Variants in SV2C observed in about 807,000 individuals in gnomAD.
The protein encoded by SV2C is synaptic vesicle glycoprotein 2C.
A neutral mutation model predicts 79.7 loss-of-function variants in SV2C; 49 were observed. The observed-to-expected ratio is 0.61, with a 90% CI of 0.49 to 0.78. The LOEUF (loss-of-function observed/expected upper bound fraction) is 0.78, where lower values mean the gene tolerates loss of function less well. SV2C is among the 30% of genes least tolerant of loss of function. SV2C has a pLI of 0.00. For missense variants in SV2C, 833 were observed against 912.9 expected (o/e 0.91, Z 1.13); for synonymous variants, 334 against 333.2 (o/e 1.00, Z -0.03).
intron 4 of SV2C, among the ~76,000 whole-genome samples, chr5:76,272,106 G>A (rs988896619): frequency 2.0e-5 from 3 of 152,134 alleles, no homozygotes; most frequent in African/African-American, 4.8e-5. Context: ...GCAAGAAATG[G>A]GGCTAGGAAA....
At chr5:75,920,973 G>A in the SV2C span, 1 of 712,120 alleles carries the variant, frequency 1.4e-6, no homozygotes, top group Admixed American at 2.0e-5. Context: ...AGGAGGTGAT[G>A]CTCCAGTGCT....
At chr5:76,027,002 G>C in the SV2C span, among the ~76,000 whole-genome samples, 1 of 150,886 alleles carries the variant, frequency 6.6e-6, no homozygotes, top group Non-Finnish European at 1.5e-5. Context: ...TTTTAGCTTG[G>C]ATTAAGTCAA....
chr5:76,299,056 C>G (rs1747885446), intron 10 of SV2C, 129 bp downstream of exon 10: 1 of 1,144,248 alleles, frequency 8.7e-7, no homozygotes, highest in East Asian at 2.6e-5. Flanking sequence ...AACAAGTTCT[C>G]TAAATCAGGT....
intron 1 of SV2C, among the ~76,000 whole-genome samples, chr5:76,105,418 C>T (rs572748040): frequency 6.9e-4 from 105 of 152,270 alleles, no homozygotes; most frequent in Non-Finnish European, 1.2e-3. Context: ...CCCCAGATAG[C>T]TAGCACCCTT....
chr5:76,183,325 G>A (rs1426083193), intron 2 of SV2C, among the ~76,000 whole-genome samples: 4 of 151,754 alleles, frequency 2.6e-5, no homozygotes, highest in South Asian at 4.2e-4. Flanking sequence ...ATGCCCAGCT[G>A]AGAACCTACC....
the SV2C span, among the ~76,000 whole-genome samples, chr5:76,039,340 A>G: frequency 1.4e-3 from 212 of 152,330 alleles, no homozygotes; most frequent in Middle Eastern, 3.4e-3. Flanking sequence ...CAAGTAGGAA[A>G]ACTAGGGATC....
chr5:75,899,872 G>A, the SV2C span, among the ~76,000 whole-genome samples: 525 of 152,006 alleles, frequency 3.5e-3, 1 homozygote, highest in African/African-American at 0.012. Flanking sequence ...TGTTTTATCC[G>A]AGACTAGGAT....
At chr5:76,052,192 T>G in the SV2C span, among the ~76,000 whole-genome samples, 2 of 152,294 alleles carry the variant, frequency 1.3e-5, no homozygotes, top group Non-Finnish European at 2.9e-5. Flanking sequence ...TCCAATCAAT[T>G]CTGAGAAATT....
the SV2C span, among the ~76,000 whole-genome samples, chr5:76,033,524 T>C: frequency 6.6e-6 from 1 of 152,240 alleles, no homozygotes; most frequent in Non-Finnish European, 1.5e-5. Context: ...CCATTGCTTA[T>C]TTTTCTCAGG....
chr5:75,902,050 C>A, the SV2C span, among the ~76,000 whole-genome samples: 686 of 152,314 alleles, frequency 4.5e-3, 4 homozygotes, highest in African/African-American at 0.016. Flanking sequence ...CTGAGTGAGG[C>A]AATGCCTCAC....
rs142749324 is a variant in SV2C at position 76,188,927 on chromosome 5, C to A, written c.581-5992C>A. Among the ~76,000 whole-genome samples the A allele has an allele frequency of 2.0e-4, 30 of 151,816 alleles. No individual in the cohort carries two copies. The East Asian group carries it at 5.9e-3, about 30-fold the overall frequency. On this transcript the variant is annotated intron_variant, in intron 2 of 12. Coordinates refer to ENST00000502798, the MANE Select transcript of SV2C (RefSeq NM_014979.4). ...GGTTCCAGGAGCAGGGACAACAGGG[C>A]AGCAGCTGTGAAAGCTTACACCTCA...
the SV2C span, among the ~76,000 whole-genome samples, chr5:76,027,207 G>C: frequency 1.3e-5 from 2 of 151,044 alleles, no homozygotes; most frequent in African/African-American, 4.9e-5. Flanking sequence ...GATTACAGGC[G>C]CCCACCACCA....
intron 1 of SV2C, among the ~76,000 whole-genome samples, chr5:76,091,175 A>C: frequency 6.6e-6 from 1 of 152,228 alleles, no homozygotes; most frequent in African/African-American, 2.4e-5. Flanking sequence ...CATTGAACAC[A>C]AAACAATTTA....
At chr5:76,071,666 A>C in the SV2C span, among the ~76,000 whole-genome samples, 1 of 152,222 alleles carries the variant, frequency 6.6e-6, no homozygotes, top group Non-Finnish European at 1.5e-5. Context: ...CATGCTAAAA[A>C]TAGAAGTGAA....
intron 1 of SV2C, among the ~76,000 whole-genome samples, chr5:76,127,400 G>T (rs2112176056): frequency 6.6e-6 from 1 of 152,294 alleles, no homozygotes; most frequent in African/African-American, 2.4e-5. Context: ...TTACATATTT[G>T]TGCAAAATAT....
intron 1 of SV2C, among the ~76,000 whole-genome samples, chr5:76,089,284 C>T (rs1049922809): frequency 2.6e-5 from 4 of 152,094 alleles, no homozygotes; most frequent in East Asian, 1.9e-4. Context: ...CAGTATTTGG[C>T]GTTCTGTTCC....
At chr5:76,241,208 A>C in intron 4 of SV2C, among the ~76,000 whole-genome samples, 3 of 144,034 alleles carry the variant, frequency 2.1e-5, no homozygotes, top group Non-Finnish European at 3.0e-5. Context: ...TTCCCAAGCC[A>C]AACTGTATCC....
At chr5:76,174,540 C>T (rs1056028635) in intron 2 of SV2C, among the ~76,000 whole-genome samples, 8 of 152,214 alleles carry the variant, frequency 5.3e-5, no homozygotes, top group African/African-American at 1.9e-4. Flanking sequence ...ACTCCCACCT[C>T]GGGCCCTAAG....
chr5:76,287,799 A>G (rs552654554), intron 6 of SV2C, among the ~76,000 whole-genome samples: 20 of 152,306 alleles, frequency 1.3e-4, no homozygotes, highest in African/African-American at 4.6e-4. Flanking sequence ...TAATTAGACT[A>G]AAAATGGCCA....
Sources: allele counts gnomAD v4.1 joint callset (sites outside exome capture counted in the v4.1 genomes callset), GRCh38; gene constraint gnomAD v4.1.1; transcripts MANE v1.5; gene names NCBI Gene and HGNC (gene_info 2026-07-23, HGNC 2026-07-21).